Variants in WDFY1 observed in about 807,000 individuals in gnomAD.
WDFY1 encodes the protein WD repeat and FYVE domain-containing protein 1.
Under a neutral mutation model 56.4 loss-of-function variants are expected in WDFY1, and 32 were observed. That is an observed-to-expected ratio of 0.57 (90% CI 0.43 to 0.76). The LOEUF (loss-of-function observed/expected upper bound fraction) is 0.76. Ranked by LOEUF, WDFY1 falls within the 30% of genes least tolerant of loss-of-function variation. The probability of loss-of-function intolerance (pLI) is 0.00; values close to 1 mark genes in which losing one functional copy is unlikely to be tolerated. For missense variants in WDFY1, 480 were observed against 545.7 expected (o/e 0.88, Z 1.20); for synonymous variants, 192 against 197.3 (o/e 0.97, Z 0.23).
intron 1 of WDFY1, among the ~76,000 whole-genome samples, chr2:223,927,725 G>A (rs1041315849): frequency 6.6e-6 from 1 of 152,134 alleles, no homozygotes; most frequent in African/African-American, 2.4e-5. Context: ...TTGGCTGTTT[G>A]GTGCAAAAGG....
intron 11 of WDFY1, among the ~76,000 whole-genome samples, chr2:223,879,445 G>A (rs976567426): frequency 1.8e-4 from 28 of 151,646 alleles, no homozygotes; most frequent in African/African-American, 6.3e-4. Flanking sequence ...CGCTTGAGCC[G>A]AGGAGTTTGA....
At chr2:223,899,219 A>G in intron 5 of WDFY1, 149 bp from the exon 6 acceptor site, 1 of 579,108 alleles carries the variant, frequency 1.7e-6, no homozygotes, top group South Asian at 2.4e-5. Flanking sequence ...ATAACAAGAA[A>G]GGAAACACCC....
At chr2:223,926,483 C>T (rs1339535631) in intron 1 of WDFY1, among the ~76,000 whole-genome samples, 1 of 152,116 alleles carries the variant, frequency 6.6e-6, no homozygotes, top group East Asian at 1.9e-4. Flanking sequence ...CTCCTTGATC[C>T]ATGAGCTACA....
chr2:223,895,290 TTTTGTTTG>T (rs141841329), intron 7 of WDFY1, among the ~76,000 whole-genome samples: 2 of 152,088 alleles, frequency 1.3e-5, no homozygotes, highest in Non-Finnish European at 2.9e-5. Flanking sequence ...GCATTTGTTT[TTTTGTTTG>T]TTTGTTTGTT....
rs778997387 is a variant in WDFY1, at chr2:223,912,352, A to G, written c.206-26T>C. 29 of 1,585,070 alleles carry G rather than the reference A, an allele frequency of 1.8e-5. 1 individual carries two copies. The highest frequency in any genetic ancestry group is 2.4e-5 in the Non-Finnish European group (28 of 1,171,258). ...CTGCCAGAAAGACAAAGACCACATT[A>G]CCAGCAAAGCTAAGCACTTTAAGTT... On this transcript the variant is annotated intron_variant, in intron 2 of 11. Transcript: ENST00000233055.
At chr2:223,893,568 A>G (rs1693314053) in intron 8 of WDFY1, among the ~76,000 whole-genome samples, 1 of 152,106 alleles carries the variant, frequency 6.6e-6, no homozygotes, top group South Asian at 2.1e-4. Context: ...TTAGACAATT[A>G]GACTGTCTGT....
chr2:223,924,051 C>A (rs528322456), intron 1 of WDFY1, among the ~76,000 whole-genome samples: 34 of 152,318 alleles, frequency 2.2e-4, no homozygotes, highest in African/African-American at 7.9e-4. Context: ...TTCCTTAAAA[C>A]CACAACCTTA....
rs1315135945 is a variant in WDFY1 at position 223,882,568 on chromosome 2, G to A, written c.934-496C>T. 2.0e-5 allele frequency among the ~76,000 whole-genome samples: 3 copies of A among 152,128 alleles called. No individual in the cohort carries two copies. In the East Asian group the frequency reaches 5.8e-4, roughly 29 times the overall value. On this transcript the variant is annotated intron_variant, in intron 9 of 11. Transcript: ENST00000233055. The stretch of plus-strand genomic sequence containing the variant: ...TAGTCAAGGATTTCCAAAAAACTTT[G>A]CTGTACTGGTCAAATGTTGCTTTTC...
At chr2:223,927,444 T>G (rs1440011212) in intron 1 of WDFY1, among the ~76,000 whole-genome samples, 2 of 152,242 alleles carry the variant, frequency 1.3e-5, no homozygotes, top group African/African-American at 4.8e-5. Flanking sequence ...ACTGCTTCTT[T>G]CCTTAAACCT....
At chr2:223,910,297 A>G (rs1574770292) in intron 3 of WDFY1, among the ~76,000 whole-genome samples, 1 of 152,204 alleles carries the variant, frequency 6.6e-6, no homozygotes, top group Non-Finnish European at 1.5e-5. Flanking sequence ...TAAACTATAA[A>G]ACTCTCAGAA....
At chr2:223,912,377 T>C (rs541712) in intron 2 of WDFY1, 51 bp from the exon 3 acceptor site, 1,373,470 of 1,516,658 alleles carry the variant, frequency 0.91, 626,863 homozygotes, top group Non-Finnish European at 0.94. Context: ...CACTTTAAGT[T>C]GTTCTTCAAA....
At position 223,928,963 on chromosome 2, in the gene WDFY1, G is replaced by T. The variant is rs535025245; in HGVS notation, c.138-10953C>A. Among the ~76,000 whole-genome samples, 27 of 152,290 alleles carry T rather than the reference G, an allele frequency of 1.8e-4. No individual in the cohort carries two copies. In the South Asian group the frequency reaches 5.4e-3, roughly 30 times the overall value. On this transcript the variant is annotated intron_variant, in intron 1 of 11. Coordinates refer to ENST00000233055, the MANE Select transcript of WDFY1 (RefSeq NM_020830.5). ...TGGACCTGGACACCAGACTAGAGGT[G>T]CCTGGGTAGCCAGGGGCCTTGATAG...
At chr2:223,910,689 C>G (rs1376187755) in intron 3 of WDFY1, among the ~76,000 whole-genome samples, 1 of 152,036 alleles carries the variant, frequency 6.6e-6, no homozygotes, top group East Asian at 1.9e-4. Flanking sequence ...CGAATCAAAA[C>G]CACAATCTGG....
At chr2:223,929,929 G>C (rs935500533) in intron 1 of WDFY1, among the ~76,000 whole-genome samples, 2 of 152,176 alleles carry the variant, frequency 1.3e-5, no homozygotes, top group Non-Finnish European at 2.9e-5. Flanking sequence ...GCCTTATGTG[G>C]TAAGTAAGTA....
At chr2:223,894,761 CACACACAG>C (rs1388783071) in intron 7 of WDFY1, among the ~76,000 whole-genome samples, 3 of 152,260 alleles carry the variant, frequency 2.0e-5, no homozygotes, top group Non-Finnish European at 4.4e-5. Context: ...CACACACAAA[CACACACAG>C]ACACACACAG....
At chr2:223,941,256 C>A (rs1689298937) in intron 1 of WDFY1, among the ~76,000 whole-genome samples, 1 of 139,654 alleles carries the variant, frequency 7.2e-6, no homozygotes, top group African/African-American at 2.4e-5. Flanking sequence ...CGCACTTGGC[C>A]CCCAAAAACT....
chr2:223,889,556 C>T (rs1693231956), intron 8 of WDFY1, among the ~76,000 whole-genome samples: 2 of 152,078 alleles, frequency 1.3e-5, no homozygotes, highest in Admixed American at 1.3e-4. Context: ...GGGGAGTTCC[C>T]CTGCACATGC....
intron 1 of WDFY1, among the ~76,000 whole-genome samples, chr2:223,929,974 T>C (rs973921522): frequency 6.6e-6 from 1 of 152,220 alleles, no homozygotes; most frequent in African/African-American, 2.4e-5. Flanking sequence ...AATCCACACT[T>C]TATCCTCCAA....
chr2:223,932,429 T>C (rs1694095515), intron 1 of WDFY1, among the ~76,000 whole-genome samples: 2 of 152,188 alleles, frequency 1.3e-5, no homozygotes, highest in African/African-American at 4.8e-5. Flanking sequence ...GTCGATTACC[T>C]TGAAATTGAT....
Sources: gnomAD v4.1 joint callset for allele counts (sites outside exome capture counted in the v4.1 genomes callset) on GRCh38, gnomAD v4.1.1 for gene constraint, MANE v1.5 for transcripts, NCBI Gene and HGNC (gene_info 2026-07-23, HGNC 2026-07-21) for gene names.